Variants in PUDP observed in about 807,000 individuals in gnomAD.
The protein encoded by PUDP is pseudouridine 5'-phosphatase, also known as pseudouridine-5'-phosphatase.
PUDP carries 8 observed loss-of-function variants against 9.4 expected under a neutral mutation model. The ratio of observed to expected loss-of-function variants is 0.85; its 90% CI spans 0.50 to 1.53. The LOEUF is 1.53. PUDP is among the 40% of genes most tolerant of loss of function. PUDP has a pLI of 0.00. For synonymous variants in PUDP, 99 were observed against 80.7 expected, an observed-to-expected ratio of 1.23 and a Z score of -1.22; for missense variants, 188 against 189.7, an observed-to-expected ratio of 0.99 and a Z score of 0.05.
intron 1 of PUDP, among the ~76,000 whole-genome samples, chrX:7,025,097 C>A (rs1479754664): frequency 2.7e-5 from 3 of 111,647 alleles, no homozygotes; most frequent in Admixed American, 9.5e-5. Flanking sequence ...AGTGTGATTG[C>A]AGTTTGTGTT....
intron 1 of PUDP, chrX:6,706,543 C>T (rs1273380877): frequency 8.9e-6 from 1 of 111,732 alleles, no homozygotes; most frequent in African/African-American, 3.3e-5. Flanking sequence ...TAAAAGATTA[C>T]CAGAGTAGAC....
intron 3 of PUDP, among the ~76,000 whole-genome samples, chrX:6,873,887 T>C (rs1329353754): frequency 8.9e-6 from 1 of 112,279 alleles, no homozygotes; most frequent in Non-Finnish European, 1.9e-5. Context: ...TAAACACTTC[T>C]AGCAGAATTC....
intron 3 of PUDP, among the ~76,000 whole-genome samples, chrX:6,943,908 G>A (rs932528467): frequency 3.6e-5 from 4 of 111,082 alleles, no homozygotes; most frequent in Non-Finnish European, 5.7e-5. Context: ...CTAAGGCCAT[G>A]GCTGCACAAT....
chrX:7,025,484 A>C (rs751300135), intron 1 of PUDP, among the ~76,000 whole-genome samples: 3 of 112,298 alleles, frequency 2.7e-5, no homozygotes, highest in Non-Finnish European at 5.6e-5. Context: ...GGTAGGCAGC[A>C]AAGGGTTATC....
intron 1 of PUDP, among the ~76,000 whole-genome samples, chrX:6,978,492 C>T (rs932771443): frequency 8.9e-6 from 1 of 111,835 alleles, no homozygotes; most frequent in Non-Finnish European, 1.9e-5. Context: ...ACATGTGTAT[C>T]GTTGTCCAGA....
intron 1 of PUDP, among the ~76,000 whole-genome samples, chrX:6,983,344 G>A (rs1045385662): frequency 2.7e-5 from 3 of 111,225 alleles, no homozygotes; most frequent in Admixed American, 9.5e-5. Flanking sequence ...GAGCAAAGCC[G>A]TTCTCTTCTG....
chrX:6,773,037 A>C (rs1377430225), intron 3 of PUDP, among the ~76,000 whole-genome samples: 3 of 112,562 alleles, frequency 2.7e-5, no homozygotes, highest in South Asian at 3.7e-4. Flanking sequence ...GATATATTTG[A>C]AAATCACATC....
chrX:6,756,142 G>T (rs896992119), intron 3 of PUDP, among the ~76,000 whole-genome samples: 1 of 110,913 alleles, frequency 9.0e-6, no homozygotes, highest in African/African-American at 3.3e-5. Flanking sequence ...GAAAAAAGGT[G>T]GGGAAAAGAG....
At chrX:6,829,491 C>T (rs1926473791) in intron 3 of PUDP, among the ~76,000 whole-genome samples, 1 of 111,840 alleles carries the variant, frequency 8.9e-6, no homozygotes, top group Admixed American at 9.5e-5. Context: ...TGCATTCCCA[C>T]CATCAATGAA....
chrX:6,726,357 T>C (rs780707689), upstream of PUDP, among the ~76,000 whole-genome samples: 26 of 111,636 alleles, frequency 2.3e-4, 1 homozygote, highest in African/African-American at 8.5e-4. Flanking sequence ...TTCTGTGTGC[T>C]GTAGCATTGT....
intron 2 of PUDP, chrX:6,706,195 G>A (rs1924467518): frequency 8.9e-6 from 1 of 112,501 alleles, no homozygotes; most frequent in Non-Finnish European, 1.9e-5. Flanking sequence ...GGAGTGATGA[G>A]GAGTTATTGC....
intron 3 of PUDP, among the ~76,000 whole-genome samples, chrX:6,872,211 T>G (rs1305936075): frequency 9.0e-6 from 1 of 111,202 alleles, no homozygotes; most frequent in Non-Finnish European, 1.9e-5. Flanking sequence ...ACCTGCAGAG[T>G]TGGTTCCTTC....
intron 1 of PUDP, among the ~76,000 whole-genome samples, chrX:7,141,087 T>C (rs944522403): frequency 3.6e-5 from 4 of 111,676 alleles, no homozygotes; most frequent in Non-Finnish European, 7.5e-5. Context: ...CACACTAATA[T>C]TGAAATCAGG....
chrX:6,780,172 C>A (rs1280989145), intron 3 of PUDP, among the ~76,000 whole-genome samples: 4 of 109,593 alleles, frequency 3.6e-5, no homozygotes, highest in Admixed American at 9.8e-5. Flanking sequence ...CACATACACA[C>A]ACATATACAC....
intron 1 of PUDP, among the ~76,000 whole-genome samples, chrX:7,014,121 C>A (rs1929515837): frequency 9.0e-6 from 1 of 110,510 alleles, no homozygotes; most frequent in Admixed American, 9.7e-5. Flanking sequence ...TAACTCCTGG[C>A]ATTCACACGT....
intron 3 of PUDP, among the ~76,000 whole-genome samples, chrX:6,882,934 C>T (rs764765180): frequency 5.1e-4 from 57 of 111,602 alleles, no homozygotes; most frequent in African/African-American, 1.8e-3. Flanking sequence ...GGTTGGATTT[C>T]ATCCTGTGGA....
chrX:6,979,898 A>G (rs917778207), intron 1 of PUDP, among the ~76,000 whole-genome samples: 1 of 111,058 alleles, frequency 9.0e-6, no homozygotes, highest in Non-Finnish European at 1.9e-5. Flanking sequence ...TTTTTTTTCT[A>G]TAGTTGAACT....
chrX:6,989,492 C>A, intron 1 of PUDP: 1 of 160,703 alleles, frequency 6.2e-6, no homozygotes, highest in South Asian at 1.4e-4. Context: ...CGTACTTTGT[C>A]TGACTACAAC....
intron 3 of PUDP, among the ~76,000 whole-genome samples, chrX:6,956,061 G>A (rs1344848320): frequency 1.8e-5 from 2 of 110,781 alleles, no homozygotes; most frequent in African/African-American, 6.5e-5. Context: ...TTGTTTGTTT[G>A]TTTTTGGAGA....
Sources: allele counts gnomAD v4.1 joint callset (sites outside exome capture counted in the v4.1 genomes callset), GRCh38; gene constraint gnomAD v4.1.1; transcripts MANE v1.5; gene names NCBI Gene and HGNC (gene_info 2026-07-23, HGNC 2026-07-21).